CREB5: variants seen among roughly 807,000 people sequenced by gnomAD.
CREB5 encodes the protein cyclic AMP-responsive element-binding protein 5.
A neutral mutation model predicts 57.1 loss-of-function variants in CREB5; 19 were observed. The observed-to-expected ratio is 0.33, with a 90% CI of 0.23 to 0.49. The LOEUF (loss-of-function observed/expected upper bound fraction) is 0.49. Ranked by LOEUF, CREB5 falls within the 20% of genes least tolerant of loss-of-function variation. The pLI is 0.99. For synonymous variants in CREB5, 238 were observed against 238.3 expected, an observed-to-expected ratio of 1.00 and a Z score of 0.01; for missense variants, 579 against 671.6, an observed-to-expected ratio of 0.86 and a Z score of 1.52.
chr7:28,408,701 G>T (rs1016695249), upstream of CREB5, among the ~76,000 whole-genome samples: 2 of 152,160 alleles, frequency 1.3e-5, no homozygotes, highest in Non-Finnish European at 2.9e-5. Flanking sequence ...TCCCGCGAAG[G>T]GTGGGGCTGT....
At position 28,666,264 on chromosome 7, in the gene CREB5, C is replaced by G. The variant is rs140334201; in HGVS notation, c.465-52489C>G. On this transcript the variant is annotated intron_variant, in intron 5 of 10. Coordinates refer to ENST00000357727, the MANE Select transcript of CREB5 (RefSeq NM_182898.4). ...GGATATTTAATGTTCTGTGCCCACC[C>G]CTTATAAATGTATATGACTCAATAT... Among the ~76,000 whole-genome samples the G allele has an allele frequency of 6.1e-4, 93 of 152,250 alleles. 1 individual carries two copies. The East Asian group carries it at 0.015, about 25-fold the overall frequency.
intron 4 of CREB5, among the ~76,000 whole-genome samples, chr7:28,563,419 A>G (rs1241333971): frequency 6.6e-6 from 1 of 152,218 alleles, no homozygotes; most frequent in African/African-American, 2.4e-5. Context: ...GAGCTGATGC[A>G]AACTTGATCC....
intron 4 of CREB5, among the ~76,000 whole-genome samples, chr7:28,528,705 A>AAG: frequency 3.6e-5 from 2 of 56,164 alleles, no homozygotes; most frequent in Non-Finnish European, 7.6e-5. Context: ...ACTCCATCTC[A>AAG]AAAAAAAAAA....
At chr7:28,348,408 T>TCTCTCTCACACACA (rs1376338798) in intron 1 of CREB5, among the ~76,000 whole-genome samples, 36 of 118,244 alleles carry the variant, frequency 3.0e-4, no homozygotes, top group African/African-American at 1.0e-3. Flanking sequence ...TCTCTCTCTC[T>TCTCTCTCACACACA]CACACACACA....
At chr7:28,732,843 G>GTTTTTTTT (rs60106222) in intron 7 of CREB5, among the ~76,000 whole-genome samples, 2 of 141,514 alleles carry the variant, frequency 1.4e-5, no homozygotes, top group Non-Finnish European at 3.1e-5. Flanking sequence ...GTTTAGGGTT[G>GTTTTTTTT]TTTTTTTTTT....
At chr7:28,415,605 C>T (rs533904681) in intron 1 of CREB5, among the ~76,000 whole-genome samples, 1 of 152,074 alleles carries the variant, frequency 6.6e-6, no homozygotes, top group Non-Finnish European at 1.5e-5. Flanking sequence ...TTAATTTTAA[C>T]TTAAATTCTC....
At chr7:28,462,480 C>T (rs1583492346) in intron 1 of CREB5, among the ~76,000 whole-genome samples, 1 of 152,258 alleles carries the variant, frequency 6.6e-6, no homozygotes, top group Non-Finnish European at 1.5e-5. Context: ...CTTTGTTTAA[C>T]ATTTTGAAGA....
intron 3 of CREB5, among the ~76,000 whole-genome samples, chr7:28,502,064 TAA>T (rs1292738754): frequency 6.6e-6 from 1 of 152,128 alleles, no homozygotes; most frequent in Non-Finnish European, 1.5e-5. Context: ...GTCTGTTGCT[TAA>T]AAACCAGGTC....
intron 5 of CREB5, among the ~76,000 whole-genome samples, chr7:28,715,166 A>G (rs1243763029): frequency 6.6e-6 from 1 of 152,226 alleles, no homozygotes; most frequent in Non-Finnish European, 1.5e-5. Flanking sequence ...TGTGAATATC[A>G]AAAGAAATGA....
At chr7:28,771,453 G>A (rs937899129) in intron 7 of CREB5, among the ~76,000 whole-genome samples, 2 of 152,156 alleles carry the variant, frequency 1.3e-5, no homozygotes, top group African/African-American at 4.8e-5. Context: ...CGAGAAGTCT[G>A]GGGGCGTCCT....
chr7:28,449,598 C>T (rs1345654372), intron 1 of CREB5, among the ~76,000 whole-genome samples: 1 of 152,162 alleles, frequency 6.6e-6, no homozygotes, highest in East Asian at 1.9e-4. Context: ...TCAATGATAT[C>T]TTCTGTGCTT....
intron 5 of CREB5, among the ~76,000 whole-genome samples, chr7:28,689,139 A>T (rs1801107687): frequency 1.3e-5 from 2 of 152,124 alleles, no homozygotes; most frequent in South Asian, 4.1e-4. Context: ...TTAATTAAAA[A>T]TTTTTATTCA....
At chr7:28,345,666 G>T (rs1786044201) in intron 1 of CREB5, among the ~76,000 whole-genome samples, 1 of 152,220 alleles carries the variant, frequency 6.6e-6, no homozygotes, top group African/African-American at 2.4e-5. Flanking sequence ...AATATCTTGT[G>T]TTGGTTCTGG....
chr7:28,541,450 T>C (rs777086245), intron 4 of CREB5, among the ~76,000 whole-genome samples: 4 of 152,042 alleles, frequency 2.6e-5, no homozygotes, highest in Non-Finnish European at 4.4e-5. Flanking sequence ...GGTGGATCAC[T>C]TGAGGTTAGG....
At chr7:28,391,867 T>C (rs1787222410) in intron 1 of CREB5, among the ~76,000 whole-genome samples, 1 of 152,194 alleles carries the variant, frequency 6.6e-6, no homozygotes, top group Non-Finnish European at 1.5e-5. Flanking sequence ...CCCACTAGCC[T>C]TTGCATTCCT....
intron 1 of CREB5, among the ~76,000 whole-genome samples, chr7:28,387,471 A>G (rs998786390): frequency 6.6e-6 from 1 of 151,566 alleles, no homozygotes; most frequent in African/African-American, 2.4e-5. Flanking sequence ...TAAATGTTGG[A>G]TATCAGACCT....
chr7:28,764,239 C>G (rs1386994745), intron 7 of CREB5, among the ~76,000 whole-genome samples: 20 of 151,720 alleles, frequency 1.3e-4, no homozygotes. Flanking sequence ...TTAATGTTCT[C>G]TTATTATTTT....
intron 1 of CREB5, among the ~76,000 whole-genome samples, chr7:28,445,794 G>GC (rs1562721309): frequency 1.3e-5 from 2 of 151,508 alleles, no homozygotes. Flanking sequence ...CTCATGATCC[G>GC]CCTGCCTCAG....
Position 28,345,700 on chromosome 7 carries a change from C to G in CREB5, c.-25+46259C>G, listed in dbSNP as rs77109932. 9.9e-3 allele frequency among the ~76,000 whole-genome samples: 1,505 copies of G among 152,150 alleles called. 16 individuals are homozygous for G. The highest frequency in any genetic ancestry group is 0.035 in the African/African-American group (1,433 of 41,494). ...GGCAGATGGTTAGCACTGGGCAAGT[C>G]GGGAGGTGATTGGGATTGTCCAACA... is the stretch of plus-strand genomic sequence containing the variant. On this transcript the variant is annotated intron_variant, in intron 1 of 9. Coordinates refer to the CREB5 transcript ENST00000396299.
Sources: allele counts gnomAD v4.1 joint callset (sites outside exome capture counted in the v4.1 genomes callset), GRCh38; gene constraint gnomAD v4.1.1; transcripts MANE v1.5; gene names NCBI Gene and HGNC (gene_info 2026-07-23, HGNC 2026-07-21).